Variants in EVI5 observed in about 807,000 individuals in gnomAD.
EVI5 encodes the protein ecotropic viral integration site 5 protein homolog.
EVI5 carries 73 observed loss-of-function variants against 112.0 expected under a neutral mutation model. That is an observed-to-expected ratio of 0.65 (90% CI 0.54 to 0.79). The LOEUF (loss-of-function observed/expected upper bound fraction) is 0.79. Among genes scored for constraint, EVI5 ranks in the 30% least tolerant of loss-of-function variants. The pLI, the probability that EVI5 is intolerant of heterozygous loss-of-function variation, is 0.00. For missense variants in EVI5, 900 were observed against 968.8 expected (o/e 0.93, Z 0.94); for synonymous variants, 305 against 319.9 (o/e 0.95, Z 0.50).
At chr1:92,627,725 G>C (rs1318120250) in intron 14 of EVI5, among the ~76,000 whole-genome samples, 2 of 151,976 alleles carry the variant, frequency 1.3e-5, no homozygotes, top group African/African-American at 4.8e-5. Flanking sequence ...TAATCTTGTG[G>C]AAGTAAGATG....
At chr1:92,586,484 G>A (rs1029959451) in intron 18 of EVI5, among the ~76,000 whole-genome samples, 1 of 151,058 alleles carries the variant, frequency 6.6e-6, no homozygotes, top group South Asian at 2.1e-4. Flanking sequence ...TTTCAAGTAT[G>A]TAATACTTCA....
chr1:92,575,507 A>G (rs1377700494), intron 18 of EVI5, among the ~76,000 whole-genome samples: 1 of 148,394 alleles, frequency 6.7e-6, no homozygotes, highest in Non-Finnish European at 1.5e-5. Context: ...TCATGGTTAC[A>G]TTTTGTTATT....
At chr1:92,543,512 T>C (rs1665178770) in intron 19 of EVI5, among the ~76,000 whole-genome samples, 3 of 152,376 alleles carry the variant, frequency 2.0e-5, no homozygotes, top group African/African-American at 7.2e-5. Flanking sequence ...TGCTTTCTTA[T>C]CATTTGTGTT....
intron 1 of EVI5, among the ~76,000 whole-genome samples, chr1:92,782,690 C>T (rs767879218): frequency 6.6e-6 from 1 of 152,166 alleles, no homozygotes; most frequent in Non-Finnish European, 1.5e-5. Flanking sequence ...ATTTCTAATA[C>T]TAGAGTTTTA....
chr1:92,520,944 G>T (rs967893219), intron 19 of EVI5, among the ~76,000 whole-genome samples: 2 of 150,350 alleles, frequency 1.3e-5, no homozygotes, highest in Non-Finnish European at 3.0e-5. Context: ...CAAAAAGCAC[G>T]TATGAGATTG....
chr1:92,661,260 G>A (rs1663957049), intron 13 of EVI5, among the ~76,000 whole-genome samples: 1 of 152,040 alleles, frequency 6.6e-6, no homozygotes, highest in Non-Finnish European at 1.5e-5. Context: ...TATATTGGAA[G>A]GCTATAATTA....
At chr1:92,537,767 T>A (rs1462053856) in intron 19 of EVI5, among the ~76,000 whole-genome samples, 2 of 150,970 alleles carry the variant, frequency 1.3e-5, no homozygotes, top group African/African-American at 4.9e-5. Flanking sequence ...AGAGCCAAAA[T>A]TCTAATCTAC....
chr1:92,554,887 C>T (rs1227016469), intron 19 of EVI5, among the ~76,000 whole-genome samples: 3 of 151,976 alleles, frequency 2.0e-5, no homozygotes, highest in East Asian at 1.9e-4. Flanking sequence ...AGGCTGAGGT[C>T]GGAGGATCAC....
chr1:92,586,814 T>C (rs545870390), intron 18 of EVI5, among the ~76,000 whole-genome samples: 2 of 152,054 alleles, frequency 1.3e-5, no homozygotes, highest in Non-Finnish European at 1.5e-5. Context: ...TACATATGTA[T>C]ACATGTGCCA....
At chr1:92,680,897 C>T (rs554325872) in intron 9 of EVI5, among the ~76,000 whole-genome samples, 5 of 152,136 alleles carry the variant, frequency 3.3e-5, no homozygotes, top group African/African-American at 1.2e-4. Flanking sequence ...ATCAGAAACA[C>T]AAAGACTGAG....
At chr1:92,739,268 C>T (rs1677958015) in intron 1 of EVI5, among the ~76,000 whole-genome samples, 1 of 90,346 alleles carries the variant, frequency 1.1e-5, no homozygotes, top group South Asian at 5.4e-4. Flanking sequence ...AGCGAAACTC[C>T]GTCTCAAAAA....
chr1:92,544,938 A>G (rs551042705), intron 19 of EVI5, among the ~76,000 whole-genome samples: 16 of 152,320 alleles, frequency 1.1e-4, no homozygotes, highest in African/African-American at 3.8e-4. Flanking sequence ...AAGTAGCACT[A>G]AGTCTTTGAC....
At chr1:92,561,604 C>CCTATCTATCTATCTATCTATCTAATG (rs1668588079) in intron 19 of EVI5, among the ~76,000 whole-genome samples, 1 of 138,396 alleles carries the variant, frequency 7.2e-6, no homozygotes, top group Non-Finnish European at 1.6e-5. Flanking sequence ...TCTATCTAAT[C>CCTATCTATCTATCTATCTATCTAATG]TATCCTATCT....
intron 1 of EVI5, among the ~76,000 whole-genome samples, chr1:92,752,319 C>T (rs926619104): frequency 6.6e-6 from 1 of 151,998 alleles, no homozygotes; most frequent in African/African-American, 2.4e-5. Context: ...GAATTACAGG[C>T]ACGTGCCACC....
intron 1 of EVI5, among the ~76,000 whole-genome samples, chr1:92,783,808 C>CAAAAAAAAAA (rs58484805): frequency 6.4e-5 from 6 of 94,290 alleles, no homozygotes; most frequent in Non-Finnish European, 8.5e-5. Context: ...GACTCCCTGT[C>CAAAAAAAAAA]AAAAAAAAAA....
intron 9 of EVI5, among the ~76,000 whole-genome samples, chr1:92,684,383 A>C (rs1274715862): frequency 1.3e-5 from 2 of 152,232 alleles, no homozygotes; most frequent in African/African-American, 2.4e-5. Context: ...GGCCTGCCTT[A>C]CAAGAGCTCC....
chr1:92,614,720 C>T (rs1470814273), intron 16 of EVI5, among the ~76,000 whole-genome samples: 1 of 151,244 alleles, frequency 6.6e-6, no homozygotes, highest in Non-Finnish European at 1.5e-5. Context: ...ATCTTGCAGA[C>T]GGCCTATTGT....
Position 92,637,682 on chromosome 1 carries a change from A to G in EVI5, c.1393-1346T>C, listed in dbSNP as rs184325230. ...ATGTGGCAACTCAAAATTTCAAAATAAAGTCATAAAAAACAATCTTCTACT... is the reference window on the plus strand; with the variant it reads ...ATGTGGCAACTCAAAATTTCAAAATGAAGTCATAAAAAACAATCTTCTACT... On this transcript the variant is annotated intron_variant, in intron 13 of 19. Coordinates refer to ENST00000684568, the MANE Select transcript of EVI5 (RefSeq NM_001350197.2). Among the ~76,000 whole-genome samples the G allele has an allele frequency of 2.2e-3, 338 of 152,330 alleles. 2 individuals are homozygous for G. The highest frequency in any genetic ancestry group is 7.6e-3 in the African/African-American group (317 of 41,566).
intron 19 of EVI5, among the ~76,000 whole-genome samples, chr1:92,553,000 C>A (rs1047921225): frequency 1.3e-5 from 2 of 151,456 alleles, no homozygotes; most frequent in African/African-American, 4.9e-5. Flanking sequence ...TTTTTTTTTA[C>A]CCATTGCAGG....
Sources: allele counts gnomAD v4.1 joint callset (sites outside exome capture counted in the v4.1 genomes callset), GRCh38; gene constraint gnomAD v4.1.1; transcripts MANE v1.5; gene names NCBI Gene and HGNC (gene_info 2026-07-23, HGNC 2026-07-21).